Variants in CSGALNACT1 observed in about 807,000 individuals in gnomAD.
CSGALNACT1 encodes chondroitin sulfate N-acetylgalactosaminyltransferase 1, also known as beta4GalNAcT-1.
In CSGALNACT1, 52 loss-of-function variants were observed where a neutral mutation model predicts 51.0. The ratio of observed to expected loss-of-function variants is 1.02; its 90% CI spans 0.82 to 1.29. The LOEUF (loss-of-function observed/expected upper bound fraction) is 1.29, where lower values mean the gene tolerates loss of function less well. Ranked by LOEUF, CSGALNACT1 falls within the 50% of genes most tolerant of loss-of-function variation. CSGALNACT1 has a pLI of 0.00. For missense variants in CSGALNACT1, 935 were observed against 679.2 expected, an observed-to-expected ratio of 1.38 and a Z score of -4.19; for synonymous variants, 341 against 254.4, an observed-to-expected ratio of 1.34 and a Z score of -3.24.
At chr8:19,755,477 A>AAAAAAAAAAAAAC (rs1563239954) in intron 1 of CSGALNACT1, among the ~76,000 whole-genome samples, 1 of 149,700 alleles carries the variant, frequency 6.7e-6, no homozygotes, top group Non-Finnish European at 1.5e-5. Context: ...AAAAAAAAAA[A>AAAAAAAAAAAAAC]AAAAGACAAC....
upstream of CSGALNACT1, among the ~76,000 whole-genome samples, chr8:19,603,647 C>G (rs888615104): frequency 1.8e-4 from 27 of 152,224 alleles, no homozygotes; most frequent in African/African-American, 6.5e-4. Flanking sequence ...AATTTGGCTT[C>G]CAATCCATCT....
At chr8:19,604,432 T>A (rs2051060286), upstream of CSGALNACT1, among the ~76,000 whole-genome samples, 2 of 152,144 alleles carry the variant, frequency 1.3e-5, no homozygotes, top group South Asian at 4.1e-4. Context: ...TATTTCCACT[T>A]TACAAACACA....
intron 2 of CSGALNACT1, among the ~76,000 whole-genome samples, chr8:19,595,439 C>T (rs555769418): frequency 2.3e-4 from 35 of 152,226 alleles, no homozygotes; most frequent in Non-Finnish European, 4.6e-4. Context: ...GAACATACAA[C>T]TCTTTATTAA....
intron 1 of CSGALNACT1, among the ~76,000 whole-genome samples, chr8:19,704,252 A>G (rs1045953089): frequency 6.6e-6 from 1 of 152,242 alleles, no homozygotes; most frequent in Non-Finnish European, 1.5e-5. Flanking sequence ...GTAACAGGGC[A>G]TTTGAATCAC....
chr8:19,423,880 A>G (rs2058354620), intron 6 of CSGALNACT1, among the ~76,000 whole-genome samples: 1 of 152,206 alleles, frequency 6.6e-6, no homozygotes, highest in African/African-American at 2.4e-5. Context: ...ATGTGTCCAC[A>G]GGCTGCACAG....
intron 1 of CSGALNACT1, among the ~76,000 whole-genome samples, chr8:19,724,592 T>G (rs1404968665): frequency 6.6e-6 from 1 of 152,246 alleles, no homozygotes; most frequent in African/African-American, 2.4e-5. Flanking sequence ...TTTTGCTGCA[T>G]ATAATAACAG....
At chr8:19,721,484 G>A (rs1292225480) in intron 1 of CSGALNACT1, among the ~76,000 whole-genome samples, 2 of 152,188 alleles carry the variant, frequency 1.3e-5, no homozygotes, top group African/African-American at 4.8e-5. Context: ...GTATCAGGGG[G>A]AGATAAGAAA....
intron 1 of CSGALNACT1, among the ~76,000 whole-genome samples, chr8:19,707,085 T>C (rs1472593636): frequency 6.6e-6 from 1 of 152,106 alleles, no homozygotes; most frequent in Admixed American, 6.6e-5. Context: ...AGGAGGTTAC[T>C]GCCTTTCTGA....
chr8:19,511,435 A>C (rs1163825362), intron 3 of CSGALNACT1, among the ~76,000 whole-genome samples: 2 of 152,242 alleles, frequency 1.3e-5, no homozygotes, highest in Non-Finnish European at 2.9e-5. Context: ...CTCAAGTCAT[A>C]TCTCTCGGAT....
At chr8:19,454,017 T>G (rs1431400938) in intron 5 of CSGALNACT1, among the ~76,000 whole-genome samples, 1 of 152,204 alleles carries the variant, frequency 6.6e-6, no homozygotes, top group Admixed American at 6.5e-5. Flanking sequence ...AAGGAATTTT[T>G]CAGGCATTCT....
intron 4 of CSGALNACT1, among the ~76,000 whole-genome samples, chr8:19,478,197 G>A (rs538911245): frequency 1.3e-5 from 2 of 151,992 alleles, no homozygotes; most frequent in Non-Finnish European, 2.9e-5. Context: ...GGTGGATCAC[G>A]AGGTCAGGAG....
intron 2 of CSGALNACT1, among the ~76,000 whole-genome samples, chr8:19,599,500 G>GAAAC (rs1483066183): frequency 2.4e-5 from 3 of 123,932 alleles, no homozygotes; most frequent in African/African-American, 9.1e-5. Flanking sequence ...AAGAAAGAAA[G>GAAAC]AAAGAAAGAA....
intron 3 of CSGALNACT1, among the ~76,000 whole-genome samples, chr8:19,510,343 GC>G (rs2078228691): frequency 2.0e-5 from 3 of 152,166 alleles, no homozygotes; most frequent in African/African-American, 7.2e-5. Context: ...GCAGAGCAAT[GC>G]TTGTAGGACT....
chr8:19,705,814 T>C (rs2062128913), intron 1 of CSGALNACT1, among the ~76,000 whole-genome samples: 1 of 152,174 alleles, frequency 6.6e-6, no homozygotes, highest in African/African-American at 2.4e-5. Flanking sequence ...AGATGTTTAA[T>C]ATATAAATAC....
intron 3 of CSGALNACT1, among the ~76,000 whole-genome samples, chr8:19,545,934 CA>C (rs1233572462): frequency 1.3e-5 from 2 of 150,576 alleles, no homozygotes; most frequent in East Asian, 3.9e-4. Context: ...AAACAATGCA[CA>C]AAAAATAAAA....
At chr8:19,672,906 C>T (rs1289166985) in intron 1 of CSGALNACT1, among the ~76,000 whole-genome samples, 2 of 152,218 alleles carry the variant, frequency 1.3e-5, no homozygotes, top group African/African-American at 2.4e-5. Flanking sequence ...GTTCATGCTA[C>T]TGAGTGATTA....
At chr8:19,424,206 C>A (rs1435107528) in intron 6 of CSGALNACT1, among the ~76,000 whole-genome samples, 1 of 152,188 alleles carries the variant, frequency 6.6e-6, no homozygotes, top group African/African-American at 2.4e-5. Context: ...AGAGTCACTG[C>A]TGGCTTGGGA....
At chr8:19,586,787 C>CCAG (rs1359217535) in intron 3 of CSGALNACT1, among the ~76,000 whole-genome samples, 1 of 152,088 alleles carries the variant, frequency 6.6e-6, no homozygotes, top group African/African-American at 2.4e-5. Context: ...AACTGGGAAC[C>CCAG]CAGAGGTTAA....
chr8:19,663,154 T>TA (rs1249192223), intron 1 of CSGALNACT1, among the ~76,000 whole-genome samples: 1 of 152,130 alleles, frequency 6.6e-6, no homozygotes, highest in East Asian at 1.9e-4. Context: ...ACTCTGCCTC[T>TA]ACCATGCCCA....
Sources: allele counts gnomAD v4.1 joint callset (sites outside exome capture counted in the v4.1 genomes callset), GRCh38; gene constraint gnomAD v4.1.1; transcripts MANE v1.5; gene names NCBI Gene and HGNC (gene_info 2026-07-23, HGNC 2026-07-21).